Variants in FBN2 observed in about 807,000 individuals in gnomAD.
FBN2 encodes fibrillin 2.
Under a neutral mutation model 355.6 loss-of-function variants are expected in FBN2, and 105 were observed. That is an observed-to-expected ratio of 0.30 (90% CI 0.25 to 0.35). The LOEUF (loss-of-function observed/expected upper bound fraction) is 0.35. FBN2 is among the 10% of genes least tolerant of loss of function. The pLI, the probability that FBN2 is intolerant of heterozygous loss-of-function variation, is 1.00. For missense variants in FBN2, 3,280 were observed against 3,758.7 expected (o/e 0.87, Z 3.33); for synonymous variants, 1,350 against 1,301.2 (o/e 1.04, Z -0.81).
chr5:128,308,845 A>T (rs985221433), intron 41 of FBN2, among the ~76,000 whole-genome samples: 1 of 152,220 alleles, frequency 6.6e-6, no homozygotes, highest in Non-Finnish European at 1.5e-5. Context: ...TGAACTAAAA[A>T]AAAATCCTTA....
intron 25 of FBN2, among the ~76,000 whole-genome samples, chr5:128,340,779 C>T (rs1010313671): frequency 1.3e-5 from 2 of 151,928 alleles, no homozygotes; most frequent in Admixed American, 6.6e-5. Flanking sequence ...GAGAACAGTG[C>T]CTGTCTCATA....
chr5:128,327,170 A>T (rs1750572753), intron 34 of FBN2, among the ~76,000 whole-genome samples: 1 of 152,256 alleles, frequency 6.6e-6, no homozygotes, highest in African/African-American at 2.4e-5. Flanking sequence ...CAGTTGCCTT[A>T]TATAAAATGG....
chr5:128,512,213 T>A (rs557948944), intron 5 of FBN2, among the ~76,000 whole-genome samples: 20 of 152,268 alleles, frequency 1.3e-4, no homozygotes, highest in Non-Finnish European at 2.5e-4. Context: ...GACAATTTTA[T>A]CTAAGACAGC....
intron 56 of FBN2, among the ~76,000 whole-genome samples, chr5:128,279,407 G>GA (rs1251972519): frequency 6.6e-6 from 1 of 152,038 alleles, no homozygotes; most frequent in African/African-American, 2.4e-5. Flanking sequence ...AAAATGAACA[G>GA]AAAATTACAC....
At chr5:128,281,872 A>G (rs934464139) in intron 55 of FBN2, among the ~76,000 whole-genome samples, 5 of 152,036 alleles carry the variant, frequency 3.3e-5, no homozygotes, top group African/African-American at 1.2e-4. Flanking sequence ...TTTTATTTTT[A>G]GTAGAGACAG....
In FBN2 at chr5:128,258,413, C is replaced by T. The variant is rs1388568302; in HGVS notation, c.*1042G>A. On this transcript the variant is annotated 3_prime_UTR_variant, in exon 65 of 65. Coordinates refer to ENST00000262464, the MANE Select transcript of FBN2 (RefSeq NM_001999.4). ...TAAAACAACAACAACAACATATATT[C>T]CTTGGCTGCATTGCATGATTTGTTT... is the stretch of plus-strand genomic sequence containing the variant. 1 of 152,480 alleles carries T rather than the reference C, an allele frequency of 6.6e-6. No homozygotes were observed. Among genetic ancestry groups the T allele is most frequent in the Non-Finnish European group, 1.5e-5 (1 of 68,032 alleles). 9.4% of individuals were successfully genotyped at this position (152,480 alleles called of 1,614,324 possible). A position where few individuals can be genotyped will look rare whatever the true frequency, so the allele number is the denominator to read the frequency against.
At chr5:128,502,301 T>C (rs1346063157) in intron 5 of FBN2, among the ~76,000 whole-genome samples, 1 of 116,444 alleles carries the variant, frequency 8.6e-6, no homozygotes, top group Non-Finnish European at 1.8e-5. Context: ...AAAAAAAAAA[T>C]AATTATAAAG....
chr5:128,492,901 A>T (rs1321261104), intron 5 of FBN2, among the ~76,000 whole-genome samples: 1 of 152,056 alleles, frequency 6.6e-6, no homozygotes, highest in Non-Finnish European at 1.5e-5. Flanking sequence ...TTGAATTAAA[A>T]TTAAAGTGTA....
rs183476503 is a variant in FBN2 at position 128,274,471 on chromosome 5, T to C, written c.7711+96A>G. On this transcript the variant is annotated intron_variant, in intron 60 of 64. Coordinates refer to ENST00000262464, the MANE Select transcript of FBN2 (RefSeq NM_001999.4). ...ATTATGGGGTATTGGTTACTGAACATAAATACCAGGACATTCTTCTGTTTA... is the reference window on the plus strand; with the variant it reads ...ATTATGGGGTATTGGTTACTGAACACAAATACCAGGACATTCTTCTGTTTA... 328 of 779,224 alleles carry C rather than the reference T, an allele frequency of 4.2e-4. 1 individual carries two copies. In the African/African-American group the frequency reaches 5.2e-3, roughly 12 times the overall value. 48.3% of individuals were successfully genotyped at this position (779,224 alleles called of 1,614,324 possible). A position where few individuals can be genotyped will look rare whatever the true frequency, so the allele number is the denominator to read the frequency against.
intron 11 of FBN2, among the ~76,000 whole-genome samples, chr5:128,381,439 A>G (rs555748787): frequency 6.6e-4 from 101 of 152,144 alleles, no homozygotes; most frequent in Non-Finnish European, 1.2e-3. Context: ...ATTCCTCAAA[A>G]CATTAGCGCA....
rs1257455750 is a variant in FBN2 at position 128,271,904 on chromosome 5, C to T, written c.7960+95G>A. The T allele has an allele frequency of 2.1e-6, 3 of 1,424,246 alleles. No individual in the cohort carries two copies. The African/African-American group carries it at 4.2e-5, about 20-fold the overall frequency. 88.2% of individuals were successfully genotyped at this position (1,424,246 alleles called of 1,614,324 possible). On this transcript the variant is annotated intron_variant, in intron 62 of 64. Transcript: ENST00000262464. ...GGGTTTAAAGTCTAAAATTCAAAGG[C>T]TATACTGAAATCTCAACCCTCACAA... is the stretch of plus-strand genomic sequence containing the variant.
intron 20 of FBN2, 69 bp from the exon 21 acceptor site, chr5:128,351,074 A>G (rs1199863425): frequency 6.4e-7 from 1 of 1,574,186 alleles, no homozygotes; most frequent in Non-Finnish European, 8.7e-7. Context: ...TGTGTACACA[A>G]AAGGCATTTG....
At chr5:128,471,759 T>G (rs1581325969) in intron 5 of FBN2, among the ~76,000 whole-genome samples, 1 of 152,284 alleles carries the variant, frequency 6.6e-6, no homozygotes, top group Non-Finnish European at 1.5e-5. Flanking sequence ...TCATTAGGCT[T>G]ATATATAGAA....
chr5:128,442,969 C>T (rs1753962252), intron 7 of FBN2, among the ~76,000 whole-genome samples: 1 of 152,076 alleles, frequency 6.6e-6, no homozygotes, highest in Non-Finnish European at 1.5e-5. Flanking sequence ...GAATGCTGCC[C>T]CCAGCATTAA....
chr5:128,265,859 C>T (rs1220884628), intron 62 of FBN2, among the ~76,000 whole-genome samples: 2 of 152,270 alleles, frequency 1.3e-5, no homozygotes, highest in South Asian at 2.1e-4. Context: ...TTAGTAACAT[C>T]GTAGGTTTAC....
chr5:128,303,497 A>C (rs1011039769), intron 45 of FBN2, among the ~76,000 whole-genome samples: 2 of 151,020 alleles, frequency 1.3e-5, no homozygotes, highest in Admixed American at 1.3e-4. Flanking sequence ...ATTTGAGCAG[A>C]AAAACAAAGA....
At chr5:128,440,569 C>A (rs1344723832) in intron 7 of FBN2, among the ~76,000 whole-genome samples, 1 of 152,162 alleles carries the variant, frequency 6.6e-6, no homozygotes, top group Non-Finnish European at 1.5e-5. Context: ...CTAATCACCT[C>A]CCACAAGGCC....
At chr5:128,302,694 A>T (rs893915425) in intron 46 of FBN2, among the ~76,000 whole-genome samples, 3 of 152,156 alleles carry the variant, frequency 2.0e-5, no homozygotes, top group African/African-American at 7.2e-5. Flanking sequence ...CTAAACCATA[A>T]ATCAGTCCAA....
chr5:128,288,289 C>A (rs1749216063), intron 53 of FBN2, 149 bp downstream of exon 53: 1 of 812,720 alleles, frequency 1.2e-6, no homozygotes, highest in Non-Finnish European at 1.9e-6. Context: ...AAACTAAAAA[C>A]CAACCAACCA....
Sources: gnomAD v4.1 joint callset for allele counts (sites outside exome capture counted in the v4.1 genomes callset) on GRCh38, gnomAD v4.1.1 for gene constraint, MANE v1.5 for transcripts, NCBI Gene and HGNC (gene_info 2026-07-23, HGNC 2026-07-21) for gene names.